The following LRP1B variants were observed in gnomAD, a reference collection of about 807,000 sequenced individuals.
LRP1B encodes low-density lipoprotein receptor-related protein 1B.
Under a neutral mutation model 556.6 loss-of-function variants are expected in LRP1B, and 217 were observed. That is an observed-to-expected ratio of 0.39 (90% CI 0.35 to 0.44). The LOEUF is 0.44. Among genes scored for constraint, LRP1B ranks in the 20% least tolerant of loss-of-function variants. The pLI, the probability that LRP1B is intolerant of heterozygous loss-of-function variation, is 1.00. For missense variants in LRP1B, 5,053 were observed against 5,620.8 expected, an observed-to-expected ratio of 0.90 and a Z score of 3.23; for synonymous variants, 2,047 against 1,865.8, an observed-to-expected ratio of 1.10 and a Z score of -2.50.
intron 41 of LRP1B, among the ~76,000 whole-genome samples, chr2:140,695,303 A>C (rs141096184): frequency 6.6e-6 from 1 of 152,160 alleles, no homozygotes; most frequent in African/African-American, 2.4e-5. Context: ...TTGTAGAGTC[A>C]ATAACTTGCA....
rs762888341 is a variant in LRP1B at position 140,487,778 on chromosome 2, T to C, written c.9121-39A>G. The C allele has an allele frequency of 2.2e-5, 30 of 1,337,428 alleles. No individual in the cohort carries two copies. The East Asian group carries it at 4.3e-4, about 19-fold the overall frequency. The allele number at this position is 1,337,428 out of a possible 1,614,324, so 82.8% of individuals were successfully genotyped here. A position where few individuals can be genotyped will look rare whatever the true frequency, so the allele number is the denominator to read the frequency against. On this transcript the variant is annotated intron_variant, in intron 57 of 90. Transcript: ENST00000389484. ...AGACTATGTTGTCAATGATAGTTCA[T>C]AGAAATAATTATAAAATGTTTTAGG...
intron 6 of LRP1B, among the ~76,000 whole-genome samples, chr2:141,228,589 G>GTT (rs1477068218): frequency 6.7e-6 from 1 of 148,882 alleles, no homozygotes; most frequent in Non-Finnish European, 1.5e-5. Context: ...ATGAGTGTGT[G>GTT]TGTGTGTGTG....
At chr2:141,126,702 A>G (rs1283718103) in intron 7 of LRP1B, among the ~76,000 whole-genome samples, 1 of 152,106 alleles carries the variant, frequency 6.6e-6, no homozygotes, top group East Asian at 1.9e-4. Flanking sequence ...TCTTATGGTT[A>G]CAATCAAAAT....
chr2:140,920,831 A>G (rs185365082), intron 21 of LRP1B, among the ~76,000 whole-genome samples: 1 of 152,084 alleles, frequency 6.6e-6, no homozygotes. Flanking sequence ...CCTAAAAACT[A>G]TTTGGTAGAA....
intron 23 of LRP1B, among the ~76,000 whole-genome samples, chr2:140,887,155 G>A (rs527401377): frequency 1.3e-5 from 2 of 152,070 alleles, no homozygotes; most frequent in African/African-American, 2.4e-5. Flanking sequence ...TGACATTATT[G>A]TGACAAGAGC....
At position 140,976,074 on chromosome 2, in the gene LRP1B, C is replaced by A. The variant is rs576566952; in HGVS notation, c.2887+6086G>T. Among the ~76,000 whole-genome samples, 23 of 152,004 alleles carry A rather than the reference C, an allele frequency of 1.5e-4. No individual in the cohort carries two copies. In the East Asian group the frequency reaches 4.5e-3, roughly 30 times the overall value. On this transcript the variant is annotated intron_variant, in intron 18 of 90. Coordinates refer to ENST00000389484, the MANE Select transcript of LRP1B (RefSeq NM_018557.3). ...CTGGGACTACAGGTACCCATCACCACCCCTGGCTAATTTTTTTGTATTTTT... is the reference window on the plus strand; with the variant it reads ...CTGGGACTACAGGTACCCATCACCAACCCTGGCTAATTTTTTTGTATTTTT...
chr2:140,766,894 A>G (rs1026492492), intron 35 of LRP1B, among the ~76,000 whole-genome samples: 2 of 145,006 alleles, frequency 1.4e-5, no homozygotes, highest in Non-Finnish European at 3.0e-5. Flanking sequence ...TAATTTCTAC[A>G]ATATTTTACT....
rs1257118221 is a variant in LRP1B at position 140,503,032 on chromosome 2, A to T, written c.8593T>A (p.Cys2865Ser). Reference protein sequence around the residue: ...GRCLLNTQWQCDGDFDCPDHS... With the variant: ...GRCLLNTQWQSDGDFDCPDHS... ...TCAGGACAGTCAAAGTCTCCATCACACTGCCATTGAGTATTTAGAAGACAC... is the reference window on the plus strand; with the variant it reads ...TCAGGACAGTCAAAGTCTCCATCACTCTGCCATTGAGTATTTAGAAGACAC... Residue 2865 changes from cysteine (C) to serine (S), a missense_variant, in exon 54 of 91, where the codon TGT (cysteine) becomes AGT (serine). Coordinates refer to ENST00000389484, the MANE Select transcript of LRP1B (RefSeq NM_018557.3). The T allele has an allele frequency of 6.2e-7, 1 of 1,613,338 alleles. No homozygotes were observed. The highest frequency in any genetic ancestry group is 8.5e-7 in the Non-Finnish European group (1 of 1,179,382).
intron 7 of LRP1B, among the ~76,000 whole-genome samples, chr2:141,071,450 C>T (rs1470190363): frequency 1.3e-5 from 2 of 152,098 alleles, no homozygotes; most frequent in South Asian, 2.1e-4. Flanking sequence ...AGGCACAAGA[C>T]AGGGATGCCC....
chr2:140,292,525 C>T (rs575986612), intron 84 of LRP1B, among the ~76,000 whole-genome samples: 1 of 152,200 alleles, frequency 6.6e-6, no homozygotes, highest in South Asian at 2.1e-4. Flanking sequence ...TTGCTGCTTC[C>T]CTTTCTCATC....
rs1680470029 is a variant in LRP1B, at chr2:140,231,565, C to T, written c.*1621G>A. On this transcript the variant is annotated 3_prime_UTR_variant, in exon 91 of 91. Coordinates refer to ENST00000389484, the MANE Select transcript of LRP1B (RefSeq NM_018557.3). ...GTTCAATTTAAAAAATGTACTTAAACAAGAACCTGAAAAAGTTTATGATAT... is the reference window on the plus strand; with the variant it reads ...GTTCAATTTAAAAAATGTACTTAAATAAGAACCTGAAAAAGTTTATGATAT... 1 of 151,534 alleles carries T rather than the reference C, an allele frequency of 6.6e-6. No individual in the cohort carries two copies. Among genetic ancestry groups the T allele is most frequent in the Admixed American group, 6.6e-5 (1 of 15,102 alleles). The allele number at this position is 151,534 out of a possible 1,614,324, so 9.4% of individuals were successfully genotyped here. A position where few individuals can be genotyped will look rare whatever the true frequency, so the allele number is the denominator to read the frequency against.
chr2:141,169,352 G>T (rs1003144866), intron 7 of LRP1B, among the ~76,000 whole-genome samples: 3 of 151,208 alleles, frequency 2.0e-5, no homozygotes, highest in Admixed American at 1.3e-4. Flanking sequence ...GAGATGGGAC[G>T]TATGTAAGGA....
At chr2:140,840,252 A>T (rs1692059120) in intron 30 of LRP1B, among the ~76,000 whole-genome samples, 167 bp from the exon 31 acceptor site, 1 of 152,194 alleles carries the variant, frequency 6.6e-6, no homozygotes, top group African/African-American at 2.4e-5. Context: ...AATAACCTAC[A>T]TATTTGCCTG....
At chr2:140,771,467 G>C (rs1689309556) in intron 33 of LRP1B, among the ~76,000 whole-genome samples, 1 of 152,144 alleles carries the variant, frequency 6.6e-6, no homozygotes, top group Non-Finnish European at 1.5e-5. Context: ...GTATGTATGT[G>C]TATATGTATT....
chr2:142,061,402 A>T (rs185832005), intron 1 of LRP1B, among the ~76,000 whole-genome samples: 2 of 152,134 alleles, frequency 1.3e-5, no homozygotes, highest in Admixed American at 1.3e-4. Flanking sequence ...CTGCTCTTAC[A>T]AAGAATTTAT....
At chr2:140,431,464 C>A (rs1303321973) in intron 66 of LRP1B, among the ~76,000 whole-genome samples, 5 of 152,152 alleles carry the variant, frequency 3.3e-5, no homozygotes, top group Admixed American at 6.5e-5. Flanking sequence ...CTCCTGTTCA[C>A]CATTCTCAAC....
At chr2:140,544,521 T>C (rs1309297244) in intron 43 of LRP1B, among the ~76,000 whole-genome samples, 4 of 152,132 alleles carry the variant, frequency 2.6e-5, no homozygotes, top group Non-Finnish European at 4.4e-5. Flanking sequence ...CTCCTCTATA[T>C]GTCCACGTGT....
At chr2:140,423,516 T>C (rs1278987976) in intron 66 of LRP1B, among the ~76,000 whole-genome samples, 1 of 152,052 alleles carries the variant, frequency 6.6e-6, no homozygotes, top group Non-Finnish European at 1.5e-5. Context: ...CATATTTTAA[T>C]CTATTTAATA....
At chr2:141,890,323 C>CATACATATATATAT (rs1170715951) in intron 1 of LRP1B, among the ~76,000 whole-genome samples, 17 of 83,816 alleles carry the variant, frequency 2.0e-4, no homozygotes, top group African/African-American at 7.5e-4. Context: ...GGGCACAATA[C>CATACATATATATAT]ATATATATAT....
Sources: gnomAD v4.1 joint callset for allele counts (sites outside exome capture counted in the v4.1 genomes callset) on GRCh38, gnomAD v4.1.1 for gene constraint, MANE v1.5 for transcripts, NCBI Gene and HGNC (gene_info 2026-07-23, HGNC 2026-07-21) for gene names.